Variants in SRCIN1 observed in about 807,000 individuals in gnomAD.
SRCIN1 encodes the protein P130Cas-associated protein.
In SRCIN1, 50 loss-of-function variants were observed where a neutral mutation model predicts 116.2. The observed-to-expected ratio is 0.43, with a 90% CI of 0.34 to 0.54. SRCIN1 has a LOEUF of 0.54. Ranked by LOEUF, SRCIN1 falls within the 20% of genes least tolerant of loss-of-function variation. The pLI is 0.02. For synonymous variants in SRCIN1, 736 were observed against 750.0 expected, an observed-to-expected ratio of 0.98 and a Z score of 0.30; for missense variants, 1,446 against 1,672.0, an observed-to-expected ratio of 0.86 and a Z score of 2.36.
rs140665595 is a variant in SRCIN1 at position 38,576,655 on chromosome 17, C to T, written c.324+1835G>A. 3.8e-3 allele frequency among the ~76,000 whole-genome samples: 575 copies of T among 152,136 alleles called. 3 individuals carry two copies. The highest frequency in any genetic ancestry group is 0.013 in the African/African-American group (559 of 41,474). ...GAATGCCCTACCCACTGCTCAAACC[C>T]GTCTCTGTATATTCCTCTCCCTCAC... is the stretch of plus-strand genomic sequence containing the variant. On this transcript the variant is annotated intron_variant, in intron 2 of 18. Coordinates refer to ENST00000617146, the MANE Select transcript of SRCIN1 (RefSeq NM_025248.3).
chr17:38,560,535 CT>C (rs1906164918), intron 7 of SRCIN1, 110 bp from the exon 8 acceptor site: 1 of 910,484 alleles, frequency 1.1e-6, no homozygotes, highest in Non-Finnish European at 1.7e-6. Flanking sequence ...CCATCCCTGG[CT>C]GCCAAAACAC....
intron 1 of SRCIN1, among the ~76,000 whole-genome samples, chr17:38,593,311 CA>C (rs1470902551): frequency 1.3e-5 from 2 of 152,096 alleles, no homozygotes; most frequent in Non-Finnish European, 2.9e-5. Flanking sequence ...TCAGGAGGAA[CA>C]GGGTTGGGGA....
At chr17:38,605,976 T>TGTGTCACTGCGGGCGGGCGCGCGC (rs1909341905), upstream of SRCIN1, 1 of 137,840 alleles carries the variant, frequency 7.3e-6, no homozygotes, top group Non-Finnish European at 1.6e-5. Flanking sequence ...CCGGCGCGGG[T>TGTGTCACTGCGGGCGGGCGCGCGC]GTGTCACTGC....
At position 38,604,547 on chromosome 17, in the gene SRCIN1, G is replaced by A. The variant is rs1163771794; in HGVS notation, c.22+1137C>T. 1.3e-5 allele frequency: 6 copies of A among 454,308 alleles called. No individual in the cohort carries two copies. In the Admixed American group the frequency reaches 1.4e-4, roughly 11 times the overall value. The allele number at this position is 454,308 out of a possible 1,614,324, so 28.1% of individuals were successfully genotyped here. On this transcript the variant is annotated intron_variant, in intron 1 of 18. Coordinates refer to ENST00000617146, the MANE Select transcript of SRCIN1 (RefSeq NM_025248.3). This position sits in a 1 kb window ranked among gnomAD's most constrained non-coding sequence, Gnocchi z 4.3. ...CCTGGGAGAGCGGGCTCTGCCCTCC[G>A]CCGTCCTCTCCCACCAGGCCAGGGC...
In SRCIN1 at chr17:38,558,415, C is replaced by T. The variant is rs1567862522; in HGVS notation, c.2026-13G>A. 6.3e-6 allele frequency: 10 copies of T among 1,584,114 alleles called. No homozygotes were observed. The highest frequency in any genetic ancestry group is 8.5e-6 in the Non-Finnish European group (10 of 1,170,994). On this transcript the variant is annotated splice_polypyrimidine_tract_variant and intron_variant, in intron 10 of 18. Coordinates refer to ENST00000617146, the MANE Select transcript of SRCIN1 (RefSeq NM_025248.3). This position sits in a 1 kb window ranked among gnomAD's most constrained non-coding sequence, Gnocchi z 4.6. ...CCTGGTTCTGTAGCTGCGGGACGCA[C>T]GGACGGATGGACCCGGGTGGGGGGA...
chr17:38,559,450 A>G, intron 10 of SRCIN1, 135 bp downstream of exon 10: 1 of 886,964 alleles, frequency 1.1e-6, no homozygotes, highest in African/African-American at 1.7e-5. Context: ...GAGAGAGGCC[A>G]GTGAGCGGCG....
chr17:38,561,405 C>A, intron 7 of SRCIN1, 58 bp downstream of exon 7: 1 of 1,435,306 alleles, frequency 7.0e-7, no homozygotes, highest in African/African-American at 1.5e-5. Flanking sequence ...CTGCTGTGAA[C>A]CCTCTCCGCA....
chr17:38,570,292 G>A (rs1339970196), intron 2 of SRCIN1, among the ~76,000 whole-genome samples: 1 of 152,138 alleles, frequency 6.6e-6, no homozygotes, highest in African/African-American at 2.4e-5. Context: ...CCCCTGCCTC[G>A]CTTACACACA....
upstream of SRCIN1, among the ~76,000 whole-genome samples, chr17:38,606,369 G>A (rs1371034068): frequency 2.0e-5 from 3 of 152,008 alleles, no homozygotes; most frequent in Non-Finnish European, 4.4e-5. This position sits in a 1 kb window ranked among gnomAD's most constrained non-coding sequence, Gnocchi z 5.2. Context: ...GGCGAGACTG[G>A]GGGCTCCCTT....
At chr17:38,598,245 G>T (rs556935908) in intron 1 of SRCIN1, among the ~76,000 whole-genome samples, 86 of 152,238 alleles carry the variant, frequency 5.6e-4, no homozygotes, top group Non-Finnish European at 9.6e-4. Context: ...GGGTGGAATA[G>T]GCAGCAGACA....
Position 38,551,566 on chromosome 17 carries a change from G to A in SRCIN1, c.2728-177C>T, listed in dbSNP as rs922742075. The A allele has an allele frequency of 1.8e-5, 12 of 651,376 alleles. No homozygotes were observed. The Admixed American group carries it at 3.5e-4, about 19-fold the overall frequency. The allele number at this position is 651,376 out of a possible 1,614,324, so 40.3% of individuals were successfully genotyped here. A position where few individuals can be genotyped will look rare whatever the true frequency, so the allele number is the denominator to read the frequency against. ...TGGGTATCACATGGCATCCCCATGG[G>A]TAGGAATGCCACCCTCATTATATAC... On this transcript the variant is annotated intron_variant, in intron 14 of 18. Transcript: ENST00000617146.
Position 38,552,635 on chromosome 17 carries a change from AC to A in SRCIN1, c.2333-42del. The A allele has an allele frequency of 1.9e-6, 3 of 1,612,996 alleles. No individual in the cohort carries two copies. Among genetic ancestry groups the A allele is most frequent in the Non-Finnish European group, 2.5e-6 (3 of 1,179,780 alleles). On this transcript the variant is annotated intron_variant, in intron 12 of 18. Transcript: ENST00000617146. The surrounding 1 kb of genome is among the most constrained non-coding windows in gnomAD (Gnocchi z 5.3). ...GGCATGAGCTGGGGCCAGAGGGAGCACCACAGACTGGGAGGAGAGGATGGTG... is the reference window on the plus strand; with the variant it reads ...GGCATGAGCTGGGGCCAGAGGGAGCACACAGACTGGGAGGAGAGGATGGTG...
intron 1 of SRCIN1, among the ~76,000 whole-genome samples, chr17:38,579,172 G>A (rs1222602361): frequency 6.6e-6 from 1 of 152,206 alleles, no homozygotes; most frequent in Non-Finnish European, 1.5e-5. Flanking sequence ...TCCTAAAGCT[G>A]GTGCCAGCAG....
chr17:38,535,131 T>TTTTG (rs3045804), intron 18 of SRCIN1, among the ~76,000 whole-genome samples: 15,876 of 150,774 alleles, frequency 0.11, 2,873 homozygotes, highest in African/African-American at 0.37. Flanking sequence ...GGCCCTGTTT[T>TTTTG]TTTGTTTGTT....
chr17:38,532,981 A>T lies in SRCIN1; in HGVS notation c.*316T>A. The T allele has an allele frequency of 5.1e-6, 1 of 197,174 alleles. No individual in the cohort carries two copies. The highest frequency in any genetic ancestry group is 1.0e-5 in the Non-Finnish European group (1 of 98,874). The allele number at this position is 197,174 out of a possible 1,614,324, so 12.2% of individuals were successfully genotyped here. On this transcript the variant is annotated 3_prime_UTR_variant, in exon 19 of 19. Coordinates refer to ENST00000617146, the MANE Select transcript of SRCIN1 (RefSeq NM_025248.3). This position sits in a 1 kb window ranked among gnomAD's most constrained non-coding sequence, Gnocchi z 4.3. ...ACTGGGGGAAAGAGTGGTGAAAGAGAAGAAGGAGAGATGTGACAGGTGCGG... is the reference window on the plus strand; with the variant it reads ...ACTGGGGGAAAGAGTGGTGAAAGAGTAGAAGGAGAGATGTGACAGGTGCGG...
intron 2 of SRCIN1, among the ~76,000 whole-genome samples, chr17:38,575,356 C>A (rs1907356011): frequency 6.6e-6 from 1 of 152,136 alleles, no homozygotes; most frequent in South Asian, 2.1e-4. Context: ...CTCAAGTGAT[C>A]CACCCACCTC....
intron 9 of SRCIN1, 60 bp downstream of exon 9, chr17:38,559,994 T>C: frequency 7.0e-7 from 1 of 1,430,216 alleles, no homozygotes; most frequent in Non-Finnish European, 9.7e-7. Context: ...AATCCCCACT[T>C]TATAGATTAG....
chr17:38,580,297 T>C (rs537750253), intron 1 of SRCIN1, among the ~76,000 whole-genome samples: 15 of 151,478 alleles, frequency 9.9e-5, no homozygotes, highest in African/African-American at 1.7e-4. Flanking sequence ...CACACACACA[T>C]ACACACATAC....
At chr17:38,533,752 AGGTGGG>A (rs2040959885) in intron 18 of SRCIN1, among the ~76,000 whole-genome samples, 1 of 5,110 alleles carries the variant, frequency 2.0e-4, no homozygotes, top group African/African-American at 8.3e-4. Flanking sequence ...GCAGATGGGG[AGGTGGG>A]GGTGGGGGAG....
Sources: allele counts gnomAD v4.1 joint callset (sites outside exome capture counted in the v4.1 genomes callset), GRCh38; gene constraint gnomAD v4.1.1; non-coding constraint Gnocchi (gnomAD v3.1); transcripts MANE v1.5; gene names NCBI Gene and HGNC (gene_info 2026-07-23, HGNC 2026-07-21).